ZNF71: variants seen among roughly 807,000 people sequenced by gnomAD.
ZNF71 encodes zinc finger protein 71, also known as endothelial zinc finger protein induced by tumor necrosis factor alpha.
Under a neutral mutation model 6.7 loss-of-function variants are expected in ZNF71, and 3 were observed. The observed-to-expected ratio is 0.45, with a 90% CI of 0.20 to 1.16. The LOEUF (loss-of-function observed/expected upper bound fraction) is 1.16. Ranked by LOEUF, ZNF71 falls within the 50% of genes most tolerant of loss-of-function variation. The pLI is 0.25. For missense variants in ZNF71, 688 were observed against 728.6 expected (o/e 0.94, Z 0.64); for synonymous variants, 343 against 311.1 (o/e 1.10, Z -1.08).
In ZNF71 at chr19:56,613,998, A is replaced by C. The variant is rs898810175; in HGVS notation, c.160+60A>C. The C allele has an allele frequency of 2.9e-6, 3 of 1,032,564 alleles. No homozygotes were observed. The highest frequency in any genetic ancestry group is 3.6e-6 in the Non-Finnish European group (3 of 844,398). The allele number at this position is 1,032,564 out of a possible 1,614,324, so 64.0% of individuals were successfully genotyped here. A position where few individuals can be genotyped will look rare whatever the true frequency, so the allele number is the denominator to read the frequency against. On this transcript the variant is annotated intron_variant, in intron 3 of 3. Coordinates refer to ENST00000599599, the MANE Select transcript of ZNF71 (RefSeq NM_001370215.1). The surrounding 1 kb of genome is among the most constrained non-coding windows in gnomAD (Gnocchi z 4.6). The stretch of plus-strand genomic sequence containing the variant: ...GCCCATAACTTCAGGACCACAAATA[A>C]ATTAAAAAAAAAAAAAGATCAACAG...
At chr19:56,602,155 C>G (rs745633351) in intron 2 of ZNF71, among the ~76,000 whole-genome samples, 5 of 152,166 alleles carry the variant, frequency 3.3e-5, no homozygotes, top group Non-Finnish European at 7.3e-5. Context: ...ATCTTAATGA[C>G]CCCATAAAAG....
At chr19:56,604,230 C>T (rs528082274) in intron 2 of ZNF71, among the ~76,000 whole-genome samples, 28 of 152,070 alleles carry the variant, frequency 1.8e-4, no homozygotes, top group Non-Finnish European at 2.6e-4. Flanking sequence ...GTGATGGTTC[C>T]ACGGGTGTAT....
Position 56,622,608 on chromosome 19 carries a change from G to T in ZNF71, c.1501G>T (p.Gly501Cys). ...CACCGGCGAGAAGCCGTACAGGTGC[G>T]GCCAGTGCGGGAAGTCCTTCATCAA... is the stretch of plus-strand genomic sequence containing the variant. ...IHTGEKPYRC[G>C]QCGKSFIKNS... Residue 501 changes from glycine to cysteine, a missense_variant, in exon 4 of 4, where the codon GGC becomes TGC. Physicochemically the swap from Gly to Cys is radical, Grantham distance 159. Coordinates refer to ENST00000599599, the MANE Select transcript of ZNF71 (RefSeq NM_001370215.1). The T allele has an allele frequency of 6.2e-7, 1 of 1,612,440 alleles. No homozygotes were observed. Among genetic ancestry groups the T allele is most frequent in the Non-Finnish European group, 8.5e-7 (1 of 1,179,300 alleles).
intron 2 of ZNF71, among the ~76,000 whole-genome samples, chr19:56,606,411 C>G (rs1273933315): frequency 6.6e-6 from 1 of 151,950 alleles, no homozygotes; most frequent in Non-Finnish European, 1.5e-5. Context: ...TTCTGGTAGC[C>G]CGGAAAATTA....
At chr19:56,617,107 C>CTTTTTTTTTTTTTTT (rs200131241) in intron 3 of ZNF71, among the ~76,000 whole-genome samples, 1 of 117,096 alleles carries the variant, frequency 8.5e-6, no homozygotes, top group African/African-American at 3.9e-5. Flanking sequence ...CTTCCATTTT[C>CTTTTTTTTTTTTTTT]TTTTGTTTTT....
At chr19:56,606,261 A>C (rs1024387543) in intron 2 of ZNF71, among the ~76,000 whole-genome samples, 9 of 152,176 alleles carry the variant, frequency 5.9e-5, no homozygotes, top group Non-Finnish European at 1.2e-4. Flanking sequence ...ATATTCGTCA[A>C]ATGAATACAT....
chr19:56,599,552 G>A (rs1228376476), intron 1 of ZNF71, among the ~76,000 whole-genome samples: 1 of 151,890 alleles, frequency 6.6e-6, no homozygotes, highest in Non-Finnish European at 1.5e-5. Flanking sequence ...GGTGTGTAGT[G>A]GGTTTATATA....
chr19:56,597,947 G>C (rs934722453), intron 1 of ZNF71, among the ~76,000 whole-genome samples: 1 of 152,094 alleles, frequency 6.6e-6, no homozygotes, highest in South Asian at 2.1e-4. Context: ...GCCAGCACTA[G>C]AAGTTAGCTC....
At chr19:56,607,115 A>G (rs1018924818) in intron 2 of ZNF71, among the ~76,000 whole-genome samples, 2 of 152,148 alleles carry the variant, frequency 1.3e-5, no homozygotes, top group African/African-American at 4.8e-5. Context: ...GCATGGTTGA[A>G]TTTTTACCCC....
Position 56,617,115 on chromosome 19 carries a change from T to TTGTTTTG in ZNF71, c.160+3178_160+3179insGTTTTGT, listed in dbSNP as rs1555776027. Among the ~76,000 whole-genome samples the TTGTTTTG allele has an allele frequency of 8.9e-5, 13 of 146,606 alleles. No homozygotes were observed. The South Asian group carries it at 2.7e-3, about 31-fold the overall frequency. On this transcript the variant is annotated intron_variant, in intron 3 of 3. Coordinates refer to ENST00000599599, the MANE Select transcript of ZNF71 (RefSeq NM_001370215.1). ...CAGGAGACTTCCATTTTCTTTTGTT[T>TTGTTTTG]TTTTTTGTTTTTTTTGAGACAGTCT...
chr19:56,620,730 T>TG (rs961532339), intron 3 of ZNF71, among the ~76,000 whole-genome samples: 12 of 150,282 alleles, frequency 8.0e-5, no homozygotes, highest in African/African-American at 1.2e-4. Context: ...GAGGCGGGGG[T>TG]GGGGGGTCTC....
chr19:56,598,083 CAG>C lies in ZNF71; in HGVS notation c.-53+2657_-53+2658del, dbSNP rs2044639440. On this transcript the variant is annotated intron_variant, in intron 1 of 3. Coordinates refer to ENST00000599599, the MANE Select transcript of ZNF71 (RefSeq NM_001370215.1). The surrounding 1 kb of genome is among the most constrained non-coding windows in gnomAD (Gnocchi z 4.2). Reference sequence around the variant, plus strand: ...GGCTTCTGTTCTCATGGAGGGAAGACAGATGACAAACTTGAAAACAACTATTT... The same window carrying C: ...GGCTTCTGTTCTCATGGAGGGAAGACATGACAAACTTGAAAACAACTATTT... Among the ~76,000 whole-genome samples, 1 of 152,142 alleles carries C rather than the reference CAG, an allele frequency of 6.6e-6. No homozygotes were observed. The highest frequency in any genetic ancestry group is 2.1e-4 in the South Asian group (1 of 4,828).
rs758791437 is a variant in ZNF71, at chr19:56,598,429, C to T, written c.-53+3001C>T. Among the ~76,000 whole-genome samples the T allele has an allele frequency of 8.5e-5, 13 of 152,080 alleles. No individual in the cohort carries two copies. Among genetic ancestry groups the T allele is most frequent in the Non-Finnish European group, 1.8e-4 (12 of 68,032 alleles). Reference sequence around the variant, plus strand: ...GATTTCTAATGGTGGGGGAAGCCAACGAAGAGTTTTGAAGAGTTTTAGCCC... The same window carrying T: ...GATTTCTAATGGTGGGGGAAGCCAATGAAGAGTTTTGAAGAGTTTTAGCCC... On this transcript the variant is annotated intron_variant, in intron 1 of 3. Transcript: ENST00000599599. The surrounding 1 kb of genome is among the most constrained non-coding windows in gnomAD (Gnocchi z 4.2).
chr19:56,596,646 G>T lies in ZNF71; in HGVS notation c.-53+1218G>T, dbSNP rs373894307. Among the ~76,000 whole-genome samples, 167 of 152,294 alleles carry T rather than the reference G, an allele frequency of 1.1e-3. 2 individuals are homozygous for T. In the South Asian group the frequency reaches 0.029, roughly 27 times the overall value. ...TGTTCAGGGAATGTGTATGCAGCCA[G>T]TGCTGGCCATTTATAGATGTCCCAG... On this transcript the variant is annotated intron_variant, in intron 1 of 3. Coordinates refer to ENST00000599599, the MANE Select transcript of ZNF71 (RefSeq NM_001370215.1).
chr19:56,599,297 T>C (rs1403826386), intron 1 of ZNF71, among the ~76,000 whole-genome samples: 6 of 151,782 alleles, frequency 4.0e-5, no homozygotes, highest in Admixed American at 3.9e-4. Flanking sequence ...ATCCTATTTT[T>C]TTACTTTGCC....
At chr19:56,600,096 G>GT (rs1162051204) in intron 1 of ZNF71, among the ~76,000 whole-genome samples, 1,711 of 100,996 alleles carry the variant, frequency 0.017, 71 homozygotes, top group African/African-American at 0.067. Flanking sequence ...TTTGGGGTTT[G>GT]TTTTTTTTTT....
chr19:56,602,554 A>G (rs1374282072), intron 2 of ZNF71, among the ~76,000 whole-genome samples: 2 of 152,238 alleles, frequency 1.3e-5, no homozygotes, highest in African/African-American at 2.4e-5. Context: ...AACCATGATG[A>G]GCCTGATAGG....
intron 3 of ZNF71, among the ~76,000 whole-genome samples, chr19:56,620,234 A>G (rs1377133265): frequency 6.6e-6 from 1 of 152,152 alleles, no homozygotes; most frequent in Non-Finnish European, 1.5e-5. Flanking sequence ...CGGGAGCCGG[A>G]GCCCCAGCCA....
intron 2 of ZNF71, among the ~76,000 whole-genome samples, chr19:56,611,482 C>T (rs375564778): frequency 2.6e-5 from 4 of 152,108 alleles, no homozygotes; most frequent in Non-Finnish European, 4.4e-5. Context: ...TCCAGTGCCC[C>T]CTATTGACAG....
Sources: gnomAD v4.1 joint callset for allele counts (sites outside exome capture counted in the v4.1 genomes callset) on GRCh38, gnomAD v4.1.1 for gene constraint, Gnocchi (gnomAD v3.1) non-coding constraint, MANE v1.5 for transcripts, NCBI Gene and HGNC (gene_info 2026-07-23, HGNC 2026-07-21) for gene names.